Variants in CDH18 observed in about 807,000 individuals in gnomAD.
The protein encoded by CDH18 is cadherin-18.
In CDH18, 31 loss-of-function variants were observed where a neutral mutation model predicts 67.9. The observed-to-expected ratio is 0.46, with a 90% confidence interval of 0.34 to 0.62. CDH18 has a LOEUF of 0.62. CDH18 is among the 20% of genes least tolerant of loss of function. The probability of loss-of-function intolerance (pLI) is 0.01; values close to 1 mark genes in which losing one functional copy is unlikely to be tolerated. For missense variants in CDH18, 890 were observed against 975.5 expected (o/e 0.91, Z 1.17); for synonymous variants, 362 against 347.2 (o/e 1.04, Z -0.48).
chr5:20,204,475 A>G (rs766037866), intron 2 of CDH18, among the ~76,000 whole-genome samples: 6 of 152,076 alleles, frequency 3.9e-5, no homozygotes, highest in Non-Finnish European at 7.4e-5. Flanking sequence ...CACAGGACCT[A>G]TTTTACAAGA....
intron 8 of CDH18, among the ~76,000 whole-genome samples, chr5:19,545,265 T>C (rs1000702451): frequency 6.6e-6 from 1 of 152,088 alleles, no homozygotes; most frequent in African/African-American, 2.4e-5. Context: ...AAAACCAAGA[T>C]GCAAAGATCG....
At chr5:20,172,715 G>A (rs1467545969) in intron 2 of CDH18, among the ~76,000 whole-genome samples, 1 of 152,044 alleles carries the variant, frequency 6.6e-6, no homozygotes, top group Non-Finnish European at 1.5e-5. Flanking sequence ...TTGTCGGCAG[G>A]CATGGTGGCT....
At chr5:19,702,721 C>G (rs1467816444) in intron 5 of CDH18, among the ~76,000 whole-genome samples, 2 of 152,002 alleles carry the variant, frequency 1.3e-5, no homozygotes, top group Non-Finnish European at 2.9e-5. Context: ...GTGTTGGGAA[C>G]AGGCTCCCAA....
At chr5:19,957,437 A>AT (rs1334369691) in intron 2 of CDH18, among the ~76,000 whole-genome samples, 11 of 151,734 alleles carry the variant, frequency 7.2e-5, no homozygotes, top group Admixed American at 7.2e-4. Context: ...CTGTGTGTGT[A>AT]TATGTGTTAG....
chr5:20,544,060 G>C (rs1014119926), intron 1 of CDH18, among the ~76,000 whole-genome samples: 1 of 152,108 alleles, frequency 6.6e-6, no homozygotes, highest in Non-Finnish European at 1.5e-5. Flanking sequence ...GATTCTGAAT[G>C]ATCAAGATTA....
intron 2 of CDH18, among the ~76,000 whole-genome samples, chr5:20,169,410 G>A (rs1354373846): frequency 6.6e-6 from 1 of 152,074 alleles, no homozygotes; most frequent in African/African-American, 2.4e-5. Flanking sequence ...CCAAACAAAG[G>A]AGGAACATTG....
At chr5:20,350,071 T>C (rs534707720) in intron 1 of CDH18, among the ~76,000 whole-genome samples, 2 of 152,282 alleles carry the variant, frequency 1.3e-5, no homozygotes, top group Non-Finnish European at 2.9e-5. Context: ...GTAATATTTT[T>C]ATGTTTAGAT....
At chr5:19,784,665 C>T (rs1039558435) in intron 3 of CDH18, among the ~76,000 whole-genome samples, 2 of 152,124 alleles carry the variant, frequency 1.3e-5, no homozygotes, top group African/African-American at 4.8e-5. Context: ...AGGTAATTCC[C>T]AATTTATATT....
intron 1 of CDH18, among the ~76,000 whole-genome samples, chr5:20,522,122 C>T (rs747359498): frequency 6.6e-6 from 1 of 152,178 alleles, no homozygotes; most frequent in Non-Finnish European, 1.5e-5. Context: ...AAACAAATAC[C>T]CACTGATGGA....
intron 1 of CDH18, among the ~76,000 whole-genome samples, chr5:20,512,523 A>C (rs1254031163): frequency 6.6e-6 from 1 of 152,128 alleles, no homozygotes. Context: ...CTGTATTTCC[A>C]ATCATCTTTA....
intron 1 of CDH18, among the ~76,000 whole-genome samples, chr5:20,575,009 A>G (rs1759038280): frequency 6.6e-6 from 1 of 152,120 alleles, no homozygotes; most frequent in Admixed American, 6.6e-5. Flanking sequence ...GCAATCACTG[A>G]AAAGCATATG....
chr5:19,773,070 T>C (rs1374543995), intron 3 of CDH18, among the ~76,000 whole-genome samples: 2 of 152,178 alleles, frequency 1.3e-5, no homozygotes, highest in Non-Finnish European at 2.9e-5. Context: ...TTTATATAGA[T>C]ATTACCTACA....
chr5:19,921,212 T>C (rs1394469371), intron 2 of CDH18, among the ~76,000 whole-genome samples: 1 of 152,036 alleles, frequency 6.6e-6, no homozygotes, highest in Non-Finnish European at 1.5e-5. Context: ...AATCTGATTA[T>C]ATACATTTCA....
intron 1 of CDH18, among the ~76,000 whole-genome samples, chr5:20,435,435 T>C (rs936902510): frequency 1.2e-4 from 18 of 152,082 alleles, no homozygotes; most frequent in African/African-American, 4.3e-4. Flanking sequence ...TAGATGATAT[T>C]GCTGACATTT....
chr5:20,157,008 G>A (rs116669802), intron 2 of CDH18, among the ~76,000 whole-genome samples: 2,629 of 152,096 alleles, frequency 0.017, 71 homozygotes, highest in African/African-American at 0.059. Context: ...GTATATAATC[G>A]TTTTTTGACC....
At chr5:19,843,217 G>A (rs1561422827) in intron 2 of CDH18, among the ~76,000 whole-genome samples, 1 of 152,126 alleles carries the variant, frequency 6.6e-6, no homozygotes, top group Non-Finnish European at 1.5e-5. Flanking sequence ...TCCTAGGCGG[G>A]AAAAAAATGG....
At chr5:20,334,485 A>G (rs536713882) in intron 1 of CDH18, among the ~76,000 whole-genome samples, 76 of 152,198 alleles carry the variant, frequency 5.0e-4, no homozygotes, top group East Asian at 3.3e-3. Context: ...TGAACAGCAG[A>G]GAGATGATTC....
intron 6 of CDH18, among the ~76,000 whole-genome samples, chr5:19,597,262 A>G (rs1746326741): frequency 6.6e-6 from 1 of 152,232 alleles, no homozygotes; most frequent in Non-Finnish European, 1.5e-5. Flanking sequence ...GCTGACTTCT[A>G]CACTGGAATC....
In CDH18 at chr5:20,415,620, A is replaced by G. The variant is rs184374447; in HGVS notation, c.-580+159842T>C. The stretch of plus-strand genomic sequence containing the variant: ...AACTCCACCTCTACTAAAAATACAA[A>G]AAATTAGCCAGGCATGGTGGTGGGC... On this transcript the variant is annotated intron_variant, in intron 1 of 14. Transcript: ENST00000507958. 2.4e-3 allele frequency among the ~76,000 whole-genome samples: 365 copies of G among 150,938 alleles called. 2 individuals carry two copies. The highest frequency in any genetic ancestry group is 8.4e-3 in the African/African-American group (347 of 41,072).
Sources: allele counts gnomAD v4.1 joint callset (sites outside exome capture counted in the v4.1 genomes callset), GRCh38; gene constraint gnomAD v4.1.1; transcripts MANE v1.5; gene names NCBI Gene and HGNC (gene_info 2026-07-23, HGNC 2026-07-21).